Variants in GYPE observed in about 807,000 individuals in gnomAD.
The protein encoded by GYPE is glycophorin E (MNS blood group).
GYPE carries 8 observed loss-of-function variants against 11.6 expected under a neutral mutation model. The ratio of observed to expected loss-of-function variants is 0.69; its 90% CI spans 0.41 to 1.25. The LOEUF (loss-of-function observed/expected upper bound fraction) is 1.25. GYPE is among the 50% of genes most tolerant of loss of function. The pLI is 0.01. For missense variants in GYPE, 90 were observed against 92.8 expected (o/e 0.97, Z 0.12); for synonymous variants, 28 against 29.6 (o/e 0.94, Z 0.18).
At chr4:143,900,161 T>G (rs1271302230) in intron 1 of GYPE, among the ~76,000 whole-genome samples, 1 of 151,120 alleles carries the variant, frequency 6.6e-6, no homozygotes, top group East Asian at 1.9e-4. Flanking sequence ...TCCAAAGATA[T>G]GCAAAATGCA....
At chr4:143,898,202 C>T (rs542402637) in intron 1 of GYPE, among the ~76,000 whole-genome samples, 1 of 152,230 alleles carries the variant, frequency 6.6e-6, no homozygotes, top group African/African-American at 2.4e-5. Flanking sequence ...CACTGTGAAA[C>T]CCCGTCTCTA....
intron 3 of GYPE, chr4:143,875,399 T>C (rs4101238): frequency 3.4e-6 from 5 of 1,488,820 alleles, no homozygotes; most frequent in Non-Finnish European, 4.6e-6. Flanking sequence ...AGCCAAGGGT[T>C]GGGGCATAAG....
chr4:143,874,093 T>A (rs549948928), intron 3 of GYPE, among the ~76,000 whole-genome samples: 1 of 152,102 alleles, frequency 6.6e-6, no homozygotes, highest in Non-Finnish European at 1.5e-5. Context: ...TGTTGCTATA[T>A]GTATATATGT....
In GYPE at chr4:143,883,040, A is replaced by G. The variant is rs1003827911; in HGVS notation, c.38-2531T>C. 4.3e-4 allele frequency among the ~76,000 whole-genome samples: 65 copies of G among 152,260 alleles called. 2 individuals are homozygous for G. The highest frequency in any genetic ancestry group is 1.5e-3 in the African/African-American group (64 of 41,546). ...ATCTCATGTGGAAATGTAATCCCCA[A>G]TGTTGGAGGTGGAGCCTGGTGGGAG... is the stretch of plus-strand genomic sequence containing the variant. On this transcript the variant is annotated intron_variant, in intron 1 of 3. Coordinates refer to ENST00000358615, the MANE Select transcript of GYPE (RefSeq NM_198682.3).
At chr4:143,880,860 G>T (rs1431710146) in intron 1 of GYPE, among the ~76,000 whole-genome samples, 1 of 152,112 alleles carries the variant, frequency 6.6e-6, no homozygotes, top group Non-Finnish European at 1.5e-5. Flanking sequence ...TATGTGATGT[G>T]CATGTGTTAG....
chr4:143,881,041 T>A (rs1744003694), intron 1 of GYPE, among the ~76,000 whole-genome samples: 1 of 152,136 alleles, frequency 6.6e-6, no homozygotes, highest in African/African-American at 2.4e-5. Context: ...AGTGTCTCCA[T>A]CTGCTAGGGA....
chr4:143,876,411 C>A (rs761964724), intron 3 of GYPE, among the ~76,000 whole-genome samples: 2 of 152,138 alleles, frequency 1.3e-5, no homozygotes, highest in Non-Finnish European at 2.9e-5. Context: ...TTATTTTAAA[C>A]ATTTTATTCA....
intron 1 of GYPE, among the ~76,000 whole-genome samples, chr4:143,885,635 CT>C (rs1032361269): frequency 7.3e-5 from 11 of 151,700 alleles, no homozygotes; most frequent in Admixed American, 5.9e-4. Flanking sequence ...TGCCTCCACT[CT>C]GGCTTTTAAC....
intron 1 of GYPE, among the ~76,000 whole-genome samples, chr4:143,902,867 C>T (rs1252874806): frequency 6.6e-6 from 1 of 152,082 alleles, no homozygotes; most frequent in Non-Finnish European, 1.5e-5. Context: ...TTGGAGACTC[C>T]TGGTTTATGC....
chr4:143,890,666 A>G (rs1441224147), intron 1 of GYPE, among the ~76,000 whole-genome samples: 2 of 152,210 alleles, frequency 1.3e-5, no homozygotes, highest in African/African-American at 4.8e-5. Context: ...CTGAGTTTCA[A>G]GGTCCATTCT....
At chr4:143,902,792 A>T (rs1744919378) in intron 1 of GYPE, among the ~76,000 whole-genome samples, 1 of 152,130 alleles carries the variant, frequency 6.6e-6, no homozygotes, top group African/African-American at 2.4e-5. Flanking sequence ...CCTCCAATTA[A>T]ATTAGTATAT....
chr4:143,889,477 C>A (rs957364327), intron 1 of GYPE, among the ~76,000 whole-genome samples: 5 of 152,102 alleles, frequency 3.3e-5, no homozygotes, highest in Admixed American at 6.6e-5. Context: ...CCTCAGTTTT[C>A]TGGCCTCTAA....
chr4:143,876,572 T>A (rs1743818086), intron 3 of GYPE, among the ~76,000 whole-genome samples, 174 bp downstream of exon 3: 4 of 152,052 alleles, frequency 2.6e-5, no homozygotes, highest in Admixed American at 2.0e-4. Context: ...ATTGGGCAAA[T>A]GCAAAAAATA....
chr4:143,891,448 C>A (rs981791435), intron 1 of GYPE, among the ~76,000 whole-genome samples: 6 of 151,092 alleles, frequency 4.0e-5, no homozygotes, highest in African/African-American at 1.5e-4. Flanking sequence ...CCTGCCTCAG[C>A]CTCCCAAGTA....
intron 1 of GYPE, among the ~76,000 whole-genome samples, chr4:143,883,108 C>A (rs965820111): frequency 6.6e-6 from 1 of 151,996 alleles, no homozygotes; most frequent in South Asian, 2.1e-4. Flanking sequence ...TTAACATCAT[C>A]CCCCTTGATG....
chr4:143,878,321 G>T (rs1743887287), intron 2 of GYPE, among the ~76,000 whole-genome samples: 3 of 151,990 alleles, frequency 2.0e-5, no homozygotes, highest in Admixed American at 6.6e-5. Flanking sequence ...ATTTTTTGTA[G>T]AGATAGATTT....
At chr4:143,895,970 C>T (rs1744612961) in intron 1 of GYPE, among the ~76,000 whole-genome samples, 1 of 152,034 alleles carries the variant, frequency 6.6e-6, no homozygotes, top group African/African-American at 2.4e-5. Flanking sequence ...AAAGCTGAAA[C>T]TGGATCCCTT....
rs13145249 is a variant in GYPE, at chr4:143,875,563, C to A, written c.*9+1183G>T. On this transcript the variant is annotated intron_variant, in intron 3 of 3. Coordinates refer to ENST00000358615, the MANE Select transcript of GYPE (RefSeq NM_198682.3). Reference sequence around the variant, plus strand: ...TCAGCCTCTGCTTGACCATGAGCTACGCCTCCACTTCAGCCTCTGATTGGT... The same window carrying A: ...TCAGCCTCTGCTTGACCATGAGCTAAGCCTCCACTTCAGCCTCTGATTGGT... 3,295 of 1,549,316 alleles carry A rather than the reference C, an allele frequency of 2.1e-3. 8 individuals carry two copies. The highest frequency in any genetic ancestry group is 2.5e-3 in the Non-Finnish European group (2,874 of 1,145,210).
Position 143,875,543 on chromosome 4 carries a change from C to G in GYPE, c.*9+1203G>C, listed in dbSNP as rs1743762786. 7.1e-6 allele frequency: 11 copies of G among 1,550,652 alleles called. No individual in the cohort carries two copies. In the Admixed American group the frequency reaches 2.2e-4, roughly 30 times the overall value. On this transcript the variant is annotated intron_variant, in intron 3 of 3. Transcript: ENST00000358615. ...AAAAGACAGAAGTTTCCACTTCAGC[C>G]TCTGCTTGACCATGAGCTACGCCTC... is the stretch of plus-strand genomic sequence containing the variant.
Sources: allele counts gnomAD v4.1 joint callset (sites outside exome capture counted in the v4.1 genomes callset), GRCh38; gene constraint gnomAD v4.1.1; transcripts MANE v1.5; gene names NCBI Gene and HGNC (gene_info 2026-07-23, HGNC 2026-07-21).